Variants in LRP1B observed in about 807,000 individuals in gnomAD.
LRP1B encodes LDL receptor related protein 1B.
LRP1B carries 217 observed loss-of-function variants against 556.6 expected under a neutral mutation model. The ratio of observed to expected loss-of-function variants is 0.39; its 90% confidence interval spans 0.35 to 0.44. The LOEUF (loss-of-function observed/expected upper bound fraction) is 0.44, where lower values mean the gene tolerates loss of function less well. Among genes scored for constraint, LRP1B ranks in the 20% least tolerant of loss-of-function variants. The pLI, the probability that LRP1B is intolerant of heterozygous loss-of-function variation, is 1.00. For missense variants in LRP1B, 5,053 were observed against 5,620.8 expected, an observed-to-expected ratio of 0.90 and a Z score of 3.23; for synonymous variants, 2,047 against 1,865.8, an observed-to-expected ratio of 1.10 and a Z score of -2.50.
chr2:140,727,483 A>T (rs974631761), intron 35 of LRP1B, among the ~76,000 whole-genome samples: 4 of 152,208 alleles, frequency 2.6e-5, no homozygotes, highest in African/African-American at 9.6e-5. Context: ...TTGAGACGAA[A>T]GCAAGGTCAG....
At chr2:140,375,658 C>T (rs1683193636) in intron 68 of LRP1B, among the ~76,000 whole-genome samples, 1 of 151,984 alleles carries the variant, frequency 6.6e-6, no homozygotes, top group African/African-American at 2.4e-5. Flanking sequence ...GCATTTGAAC[C>T]ACCCTACATG....
intron 18 of LRP1B, among the ~76,000 whole-genome samples, chr2:140,954,704 A>G (rs1695822022): frequency 6.6e-6 from 1 of 152,080 alleles, no homozygotes; most frequent in Non-Finnish European, 1.5e-5. Context: ...TCAACCTCTA[A>G]GAAAATGAGA....
chr2:141,571,170 C>T (rs12993821), intron 2 of LRP1B, among the ~76,000 whole-genome samples: 12,458 of 150,928 alleles, frequency 0.083, 1,090 homozygotes, highest in South Asian at 0.14. Flanking sequence ...CAGGTTATAG[C>T]CCCTTGAGAT....
intron 3 of LRP1B, among the ~76,000 whole-genome samples, chr2:141,342,594 G>A (rs541241417): frequency 2.0e-5 from 3 of 151,888 alleles, no homozygotes; most frequent in South Asian, 4.2e-4. Flanking sequence ...ATCGATAGCC[G>A]AACTGAGCAA....
chr2:141,046,910 C>T (rs192672856), intron 11 of LRP1B, among the ~76,000 whole-genome samples: 82 of 151,976 alleles, frequency 5.4e-4, no homozygotes, highest in South Asian at 1.2e-3. Context: ...GGTGAAACCC[C>T]GTCTCTAGTA....
intron 7 of LRP1B, among the ~76,000 whole-genome samples, chr2:141,129,768 G>A (rs944776634): frequency 1.8e-5 from 2 of 108,214 alleles, no homozygotes; most frequent in African/African-American, 7.1e-5. Flanking sequence ...TATACTAACA[G>A]CAATATCCAT....
At position 141,269,261 on chromosome 2, in the gene LRP1B, G is replaced by C. The variant is rs1685000965; in HGVS notation, c.344-14620C>G. ...AAATAGCAAGGTAAAATTCAGGACA[G>C]ATAAAACCAGACAGAAAAAAATAGC... On this transcript the variant is annotated intron_variant, in intron 3 of 90. Coordinates refer to ENST00000389484, the MANE Select transcript of LRP1B (RefSeq NM_018557.3). Among the ~76,000 whole-genome samples the C allele has an allele frequency of 2.6e-5, 4 of 152,142 alleles. No individual in the cohort carries two copies. In the South Asian group the frequency reaches 8.3e-4, roughly 31 times the overall value.
At chr2:140,485,618 A>ATTC in intron 58 of LRP1B, 94 bp from the exon 59 acceptor site, 4 of 836,712 alleles carry the variant, frequency 4.8e-6, no homozygotes, top group African/African-American at 1.7e-5. Context: ...ATAGAATTCC[A>ATTC]TTTAAATGTA....
At chr2:141,563,161 C>CATTTACAGGAT (rs1165893477) in intron 2 of LRP1B, among the ~76,000 whole-genome samples, 1 of 151,968 alleles carries the variant, frequency 6.6e-6, no homozygotes, top group Non-Finnish European at 1.5e-5. Flanking sequence ...ATAGGCATGG[C>CATTTACAGGAT]AGACAGAGTA....
intron 3 of LRP1B, among the ~76,000 whole-genome samples, chr2:141,474,000 A>ATTCATTCC (rs374159226): frequency 6.1e-5 from 8 of 130,516 alleles, no homozygotes; most frequent in Non-Finnish European, 1.6e-5. Context: ...GCTTTACTAA[A>ATTCATTCC]TTCCTTCCTT....
At chr2:140,689,840 A>G (rs574097757) in intron 41 of LRP1B, among the ~76,000 whole-genome samples, 5 of 152,342 alleles carry the variant, frequency 3.3e-5, no homozygotes, top group Admixed American at 6.5e-5. Context: ...TCACACGGAT[A>G]TAACTCAGGA....
chr2:141,359,769 C>T lies in LRP1B; in HGVS notation c.344-105128G>A, dbSNP rs12614075. Among the ~76,000 whole-genome samples the T allele has an allele frequency of 6.5e-4, 59 of 91,370 alleles. 1 individual carries two copies. Among genetic ancestry groups the T allele is most frequent in the Admixed American group, 3.6e-3 (37 of 10,226 alleles). The allele number at this position is 91,370 out of a possible 152,430, so 59.9% of individuals were successfully genotyped here. The stretch of plus-strand genomic sequence containing the variant: ...AGAATTCGGCCCCCGCGCCCCGCCC[C>T]GCCCCGCCCCGCCCCCCAAAAAGTA... On this transcript the variant is annotated intron_variant, in intron 3 of 90. Transcript: ENST00000389484.
In LRP1B at chr2:141,941,274, C is replaced by T. The variant is rs183632545; in HGVS notation, c.83-130873G>A. ...AAAACATCATTGCATACAATCTGTA[C>T]AAAGTATTTACAAGCCCCAGTAGCA... is the stretch of plus-strand genomic sequence containing the variant. On this transcript the variant is annotated intron_variant, in intron 1 of 90. Transcript: ENST00000389484. 2.2e-4 allele frequency among the ~76,000 whole-genome samples: 33 copies of T among 152,270 alleles called. No individual in the cohort carries two copies. The East Asian group carries it at 6.0e-3, about 28-fold the overall frequency.
chr2:141,604,988 T>G (rs1417372213), intron 2 of LRP1B, among the ~76,000 whole-genome samples: 1 of 151,924 alleles, frequency 6.6e-6, no homozygotes, highest in Non-Finnish European at 1.5e-5. Context: ...ACAAGCCAGG[T>G]ACAGCCAAGG....
At chr2:142,046,773 G>C (rs1392834122) in intron 1 of LRP1B, among the ~76,000 whole-genome samples, 1 of 151,814 alleles carries the variant, frequency 6.6e-6, no homozygotes, top group African/African-American at 2.4e-5. Context: ...TCATATAAAC[G>C]CTCCTCTGTA....
At position 140,297,872 on chromosome 2, in the gene LRP1B, C is replaced by T. The variant is rs2105000744; in HGVS notation, c.12903G>A (p.Val4301=). 1 of 1,614,010 alleles carries T rather than the reference C, an allele frequency of 6.2e-7. No homozygotes were observed. The highest frequency in any genetic ancestry group is 1.1e-5 in the South Asian group (1 of 91,056). The change falls in exon 84 of 91, where the codon GTG becomes GTA. Residue 4301 remains valine, a synonymous_variant. Transcript: ENST00000389484. ...DFCQNGGTCI[V]TAGNQPYCHC... ...GGCAGTAAGGCTGGTTTCCAGCAGTCACAATGCAGGTTCCTCCATTTTGAC... is the reference window on the plus strand; with the variant it reads ...GGCAGTAAGGCTGGTTTCCAGCAGTTACAATGCAGGTTCCTCCATTTTGAC...
intron 1 of LRP1B, among the ~76,000 whole-genome samples, chr2:141,938,635 A>C (rs1328005315): frequency 6.6e-6 from 1 of 152,110 alleles, no homozygotes; most frequent in African/African-American, 2.4e-5. Flanking sequence ...ACACATCTGC[A>C]CTCCCATGTC....
At chr2:141,692,614 C>A (rs1194511948) in intron 2 of LRP1B, among the ~76,000 whole-genome samples, 1 of 151,906 alleles carries the variant, frequency 6.6e-6, no homozygotes, top group Non-Finnish European at 1.5e-5. Context: ...GTACTCAGGA[C>A]CCATTAGAGT....
chr2:140,702,681 T>C, intron 37 of LRP1B, 128 bp from the exon 38 acceptor site: 2 of 815,242 alleles, frequency 2.5e-6, no homozygotes, highest in South Asian at 3.6e-5. Context: ...ATTTCGGAAG[T>C]TAATATACAG....
Sources: gnomAD v4.1 joint callset for allele counts (sites outside exome capture counted in the v4.1 genomes callset) on GRCh38, gnomAD v4.1.1 for gene constraint, MANE v1.5 for transcripts, NCBI Gene and HGNC (gene_info 2026-07-23, HGNC 2026-07-21) for gene names.